Variants in TADA1 observed in about 807,000 individuals in gnomAD.
TADA1 encodes the protein transcriptional adapter 1.
In TADA1, 23 loss-of-function variants were observed where a neutral mutation model predicts 39.3. The observed-to-expected ratio is 0.58, with a 90% CI of 0.42 to 0.83. The LOEUF is 0.83. TADA1 is among the 40% of genes least tolerant of loss of function. The probability of loss-of-function intolerance (pLI) is 0.00; values close to 1 mark genes in which losing one functional copy is unlikely to be tolerated. For missense variants in TADA1, 352 were observed against 408.1 expected (o/e 0.86, Z 1.18); for synonymous variants, 137 against 151.8 (o/e 0.90, Z 0.72).
At chr1:166,868,568 T>A (rs1323188914) in intron 3 of TADA1, among the ~76,000 whole-genome samples, 1 of 152,198 alleles carries the variant, frequency 6.6e-6, no homozygotes, top group Non-Finnish European at 1.5e-5. Flanking sequence ...ACTTAAGTAA[T>A]CTAAAATGTA....
At chr1:166,859,065 A>C (rs1658348276) in intron 6 of TADA1, among the ~76,000 whole-genome samples, 1 of 152,250 alleles carries the variant, frequency 6.6e-6, no homozygotes, top group Non-Finnish European at 1.5e-5. Context: ...GATCCCAAAC[A>C]GATACGCCTG....
At chr1:166,862,437 A>G in intron 4 of TADA1, 25 bp from the exon 5 acceptor site, 1 of 1,590,618 alleles carries the variant, frequency 6.3e-7, no homozygotes, top group South Asian at 1.1e-5. Context: ...AACTTTTTAA[A>G]ATTACTCATT....
rs1205853561 is a variant in TADA1 at position 166,860,676 on chromosome 1, G to T, written c.541-339C>A. ...GGCTTTAAAAGAAGTACACAAAAAT[G>T]ACTTTTTTTTTTAGATGGATTCTTG... is the stretch of plus-strand genomic sequence containing the variant. On this transcript the variant is annotated intron_variant, in intron 5 of 7. Coordinates refer to ENST00000367874, the MANE Select transcript of TADA1 (RefSeq NM_053053.4). Among the ~76,000 whole-genome samples, 6 of 152,192 alleles carry T rather than the reference G, an allele frequency of 3.9e-5. No homozygotes were observed. The South Asian group carries it at 1.2e-3, about 32-fold the overall frequency.
chr1:166,862,674 C>T (rs1473214800), intron 4 of TADA1: 3 of 507,296 alleles, frequency 5.9e-6, no homozygotes, highest in Non-Finnish European at 1.1e-5. Context: ...TTGGTGATCA[C>T]AGAATGTATG....
intron 4 of TADA1, chr1:166,862,727 AC>A (rs1314116552): frequency 1.0e-4 from 38 of 368,848 alleles, no homozygotes; most frequent in African/African-American, 7.5e-4. Context: ...GAAGTATTGA[AC>A]TATATTCAAA....
In TADA1 at chr1:166,858,229, G is replaced by T; in HGVS notation, c.745C>A (p.Pro249Thr). The T allele has an allele frequency of 6.2e-7, 1 of 1,610,724 alleles. No homozygotes were observed. Among genetic ancestry groups the T allele is most frequent in the Non-Finnish European group, 8.5e-7 (1 of 1,178,844 alleles). Reference protein sequence around the residue: ...CAGQNPASHPPPDDAEQQAAL... With the variant: ...CAGQNPASHPTPDDAEQQAAL... ...GCCTGCTGCTCAGCATCATCAGGGGGTGGGTGAGAAGCTGGATTCTGACCA... is the reference window on the plus strand; with the variant it reads ...GCCTGCTGCTCAGCATCATCAGGGGTTGGGTGAGAAGCTGGATTCTGACCA... The change falls in exon 7 of 8, where the codon CCC becomes ACC. Residue 249 changes from proline (P) to threonine (T), a missense_variant. Around this residue, in one of 3 missense-constraint regions of TADA1, gnomAD observed 285 missense variants for 310.9 expected, o/e 0.92. Coordinates refer to ENST00000367874, the MANE Select transcript of TADA1 (RefSeq NM_053053.4).
At chr1:166,869,140 A>C in intron 3 of TADA1, 1 of 374,630 alleles carries the variant, frequency 2.7e-6, no homozygotes, top group Non-Finnish European at 5.2e-6. Context: ...TTTTCTCCAG[A>C]AACAGAAATT....
At chr1:166,862,623 A>G (rs1658440335) in intron 4 of TADA1, 1 of 592,830 alleles carries the variant, frequency 1.7e-6, no homozygotes, top group Admixed American at 3.0e-5. Context: ...AAGGGGAATA[A>G]TGGTAGTTTG....
intron 3 of TADA1, among the ~76,000 whole-genome samples, chr1:166,868,435 C>G (rs558324764): frequency 1.3e-4 from 19 of 151,928 alleles, no homozygotes; most frequent in Middle Eastern, 3.4e-3. Context: ...CCCACCTCCC[C>G]ACTACGGACA....
In TADA1 at chr1:166,862,417, G is replaced by A. The variant is rs1442674428; in HGVS notation, c.331-5C>T. ...ATTTTGAGGCTGGAATCTATGCTAT[G>A]AGTAAGAAAAACTTTTTAAAATTAC... On this transcript the variant is annotated splice_region_variant and splice_polypyrimidine_tract_variant and intron_variant, in intron 4 of 7. Transcript: ENST00000367874. 6.2e-7 allele frequency: 1 copy of A among 1,613,266 alleles called. No individual in the cohort carries two copies. Among genetic ancestry groups the A allele is most frequent in the South Asian group, 1.1e-5 (1 of 91,060 alleles).
At chr1:166,872,153 T>G (rs1490821439) in intron 1 of TADA1, among the ~76,000 whole-genome samples, 1 of 152,218 alleles carries the variant, frequency 6.6e-6, no homozygotes, top group Non-Finnish European at 1.5e-5. Context: ...GTTTGGATAT[T>G]TGACCAAACC....
rs753484050 is a variant in TADA1, at chr1:166,858,118, C to A, written c.855+1G>T. On this transcript the variant is annotated splice_donor_variant, in intron 7 of 7. Transcript: ENST00000367874. LOFTEE classifies it high-confidence loss of function. ...GTAAACTTTAAGGAGCCAAGACTTACCTGCAAAGCTTCAAAAAGATCGTAC... is the reference window on the plus strand; with the variant it reads ...GTAAACTTTAAGGAGCCAAGACTTAACTGCAAAGCTTCAAAAAGATCGTAC... The A allele has an allele frequency of 6.2e-7, 1 of 1,614,118 alleles. No homozygotes were observed. Among genetic ancestry groups the A allele is most frequent in the Non-Finnish European group, 8.5e-7 (1 of 1,180,002 alleles).
At chr1:166,868,520 T>C (rs1394061506) in intron 3 of TADA1, among the ~76,000 whole-genome samples, 1 of 152,208 alleles carries the variant, frequency 6.6e-6, no homozygotes, top group African/African-American at 2.4e-5. Flanking sequence ...CTTACCTTCT[T>C]CATCCTGATC....
chr1:166,869,789 G>A lies in TADA1; in HGVS notation c.140C>T (p.Ala47Val). ...ATTATCCTGTGTGAGAAGTCTATGA[G>A]CTTCAAGGTCAAACTCCTCTTTGCT... is the stretch of plus-strand genomic sequence containing the variant. ...KISKEEFDLE[A>V]HRLLTQDNVH... Residue 47 changes from alanine (A) to valine (V), a missense_variant, in exon 2 of 8, where the codon GCT becomes GTT. Transcript: ENST00000367874. 6.2e-7 allele frequency: 1 copy of A among 1,613,910 alleles called. No individual in the cohort carries two copies. Among genetic ancestry groups the A allele is most frequent in the South Asian group, 1.1e-5 (1 of 91,066 alleles).
chr1:166,867,897 C>T (rs150679663), intron 3 of TADA1, among the ~76,000 whole-genome samples: 1 of 152,170 alleles, frequency 6.6e-6, no homozygotes, highest in East Asian at 1.9e-4. Context: ...CTTTATCATA[C>T]AGTAGAAGTA....
At chr1:166,858,741 A>C (rs759089034) in intron 6 of TADA1, among the ~76,000 whole-genome samples, 1 of 152,248 alleles carries the variant, frequency 6.6e-6, no homozygotes, top group African/African-American at 2.4e-5. Context: ...CAAACTGAGA[A>C]GTCAGACATA....
In TADA1 at chr1:166,858,332, C is replaced by G. The variant is rs375641997; in HGVS notation, c.693-51G>C. The G allele has an allele frequency of 7.7e-6, 11 of 1,429,814 alleles. No individual in the cohort carries two copies. The African/African-American group carries it at 1.5e-4, about 19-fold the overall frequency. The allele number at this position is 1,429,814 out of a possible 1,614,324, so 88.6% of individuals were successfully genotyped here. Reference sequence around the variant, plus strand: ...TCCCAGCACAGAGACAACTGAGCAACAAGGACAGGAGTGGCCTGCTAGAAT... The same window carrying G: ...TCCCAGCACAGAGACAACTGAGCAAGAAGGACAGGAGTGGCCTGCTAGAAT... On this transcript the variant is annotated intron_variant, in intron 6 of 7. Transcript: ENST00000367874.
intron 1 of TADA1, among the ~76,000 whole-genome samples, chr1:166,873,285 A>C (rs893055372): frequency 2.6e-5 from 4 of 152,188 alleles, no homozygotes; most frequent in Non-Finnish European, 5.9e-5. Flanking sequence ...TAAATAAATA[A>C]ATGCATAAAT....
In TADA1 at chr1:166,869,867, A is replaced by AAAC. The variant is rs1454107476; in HGVS notation, c.75-16_75-14dup. On this transcript the variant is annotated splice_polypyrimidine_tract_variant and intron_variant, in intron 1 of 7. Coordinates refer to ENST00000367874, the MANE Select transcript of TADA1 (RefSeq NM_053053.4). The stretch of plus-strand genomic sequence containing the variant: ...GTTAGCCCAGTATCTGCAGAGGCAG[A>AAAC]AACAATACTAAGAACCACAGATTTG... 6.2e-7 allele frequency: 1 copy of AAAC among 1,608,284 alleles called. No homozygotes were observed. Among genetic ancestry groups the AAAC allele is most frequent in the East Asian group, 2.2e-5 (1 of 44,766 alleles).
Sources: allele counts gnomAD v4.1 joint callset (sites outside exome capture counted in the v4.1 genomes callset), GRCh38; gene constraint gnomAD v4.1.1; regional missense constraint gnomAD v4.1.1; transcripts MANE v1.5; gene names NCBI Gene and HGNC (gene_info 2026-07-23, HGNC 2026-07-21).